The following PIK3C3 variants were observed in gnomAD, a reference collection of about 807,000 sequenced individuals.
PIK3C3 encodes phosphatidylinositol 3-kinase catalytic subunit type 3, also known as PI3-kinase type 3.
PIK3C3 carries 95 observed loss-of-function variants against 126.1 expected under a neutral mutation model. That is an observed-to-expected ratio of 0.75 (90% confidence interval 0.64 to 0.89). The LOEUF (loss-of-function observed/expected upper bound fraction) is 0.89. Ranked by LOEUF, PIK3C3 falls within the 40% of genes least tolerant of loss-of-function variation. The pLI, the probability that PIK3C3 is intolerant of heterozygous loss-of-function variation, is 0.00. For synonymous variants in PIK3C3, 374 were observed against 360.0 expected, an observed-to-expected ratio of 1.04 and a Z score of -0.44; for missense variants, 829 against 1,063.2, an observed-to-expected ratio of 0.78 and a Z score of 3.06.
intron 20 of PIK3C3, chr18:42,049,314 G>A: frequency 2.6e-6 from 1 of 386,636 alleles, no homozygotes; most frequent in Non-Finnish European, 4.6e-6. Flanking sequence ...AGTGACTTTT[G>A]TAATTTAACA....
At chr18:41,973,085 C>G (rs1353697838) in intron 4 of PIK3C3, among the ~76,000 whole-genome samples, 1 of 151,946 alleles carries the variant, frequency 6.6e-6, no homozygotes, top group African/African-American at 2.4e-5. Flanking sequence ...TTAATTGATT[C>G]TAAAAGTACT....
intron 24 of PIK3C3, among the ~76,000 whole-genome samples, chr18:42,080,140 G>A (rs1028270660): frequency 1.4e-4 from 22 of 152,032 alleles, no homozygotes; most frequent in Non-Finnish European, 3.1e-4. Flanking sequence ...AACATATGTG[G>A]TTTTATATGA....
intron 22 of PIK3C3, among the ~76,000 whole-genome samples, chr18:42,062,186 A>G (rs564735100): frequency 2.0e-5 from 3 of 151,958 alleles, no homozygotes; most frequent in South Asian, 4.2e-4. Context: ...TTATGTACCT[A>G]TGTAATCAAC....
At position 42,032,624 on chromosome 18, in the gene PIK3C3, TTTTATTTATTTATTTA is replaced by T. The variant is rs139558444; in HGVS notation, c.1708-1174_1708-1159del. Among the ~76,000 whole-genome samples the T allele has an allele frequency of 4.1e-3, 596 of 144,060 alleles. 5 individuals carry two copies. The highest frequency in any genetic ancestry group is 5.6e-3 in the Non-Finnish European group (369 of 66,178). 94.5% of individuals were successfully genotyped at this position (144,060 alleles called of 152,430 possible). A position where few individuals can be genotyped will look rare whatever the true frequency, so the allele number is the denominator to read the frequency against. On this transcript the variant is annotated intron_variant, in intron 15 of 24. Transcript: ENST00000262039. ...CCATTCTTATTTTACTTTCTGGTTA[TTTTATTTATTTATTTA>T]TTTATTTATTTATTTATTTATTTAT...
At chr18:41,975,447 G>A (rs1022367603) in intron 4 of PIK3C3, among the ~76,000 whole-genome samples, 1 of 152,000 alleles carries the variant, frequency 6.6e-6, no homozygotes, top group East Asian at 1.9e-4. Context: ...TGCACATGTC[G>A]AACGTTTCTA....
At chr18:41,993,438 A>G in intron 7 of PIK3C3, 97 bp downstream of exon 7, 1 of 729,076 alleles carries the variant, frequency 1.4e-6, no homozygotes, top group Non-Finnish European at 2.4e-6. Context: ...GTAATATATA[A>G]CTGCCTCCGT....
At chr18:41,958,764 T>C (rs1979926639) in intron 2 of PIK3C3, among the ~76,000 whole-genome samples, 1 of 151,976 alleles carries the variant, frequency 6.6e-6, no homozygotes, top group Non-Finnish European at 1.5e-5. Flanking sequence ...CACACACACA[T>C]AAAAAATATA....
Position 41,955,368 on chromosome 18 carries a change from A to G in PIK3C3, c.68+9A>G, listed in dbSNP as rs1979712456. 1 of 1,610,662 alleles carries G rather than the reference A, an allele frequency of 6.2e-7. No individual in the cohort carries two copies. Among genetic ancestry groups the G allele is most frequent in the Non-Finnish European group, 8.5e-7 (1 of 1,177,514 alleles). On this transcript the variant is annotated intron_variant, in intron 1 of 24. Coordinates refer to ENST00000262039, the MANE Select transcript of PIK3C3 (RefSeq NM_002647.4). Reference sequence around the variant, plus strand: ...AACGTCCAGCTTAAGATGTAAGAGAACACTCGGGACAGGGAGTGGGATTGC... The same window carrying G: ...AACGTCCAGCTTAAGATGTAAGAGAGCACTCGGGACAGGGAGTGGGATTGC...
chr18:42,073,335 A>G (rs1985854538), intron 24 of PIK3C3, among the ~76,000 whole-genome samples: 2 of 152,224 alleles, frequency 1.3e-5, no homozygotes, highest in Admixed American at 6.5e-5. Context: ...GCTTAAGGGA[A>G]TTCAACTGTG....
intron 7 of PIK3C3, among the ~76,000 whole-genome samples, chr18:41,995,409 C>A (rs1184395849): frequency 2.0e-5 from 3 of 151,992 alleles, no homozygotes; most frequent in Non-Finnish European, 4.4e-5. Context: ...TAATTTTGTC[C>A]ATGGGTAAAA....
chr18:42,040,551 G>A, intron 18 of PIK3C3, 126 bp from the exon 19 acceptor site: 2 of 655,542 alleles, frequency 3.1e-6, no homozygotes, highest in South Asian at 4.4e-5. Context: ...AGTGTACACT[G>A]ATCTTTTTAA....
intron 24 of PIK3C3, among the ~76,000 whole-genome samples, chr18:42,076,254 C>G (rs1441262944): frequency 1.3e-5 from 2 of 148,882 alleles, no homozygotes; most frequent in Non-Finnish European, 3.0e-5. Flanking sequence ...TACACATACA[C>G]ACATACATAC....
intron 12 of PIK3C3, among the ~76,000 whole-genome samples, chr18:42,020,164 T>A (rs1472832112): frequency 1.3e-5 from 2 of 152,162 alleles, no homozygotes; most frequent in Admixed American, 1.3e-4. Flanking sequence ...AAATCCATAC[T>A]CAATAATAAT....
chr18:42,037,104 C>T (rs940701133), intron 16 of PIK3C3, among the ~76,000 whole-genome samples: 6 of 152,052 alleles, frequency 3.9e-5, no homozygotes, highest in African/African-American at 9.7e-5. Context: ...TTCCAAAATC[C>T]GGGGAAGTCC....
chr18:41,958,108 A>G (rs1979885783), intron 2 of PIK3C3, among the ~76,000 whole-genome samples: 1 of 152,222 alleles, frequency 6.6e-6, no homozygotes, highest in Non-Finnish European at 1.5e-5. Context: ...AATATTGTCC[A>G]ACCTGATGTT....
chr18:42,072,657 T>C (rs569983), intron 24 of PIK3C3, among the ~76,000 whole-genome samples: 50,059 of 151,938 alleles, frequency 0.33, 9,035 homozygotes, highest in African/African-American at 0.47. Context: ...TCAGCCTCCC[T>C]GGTAGCTAGG....
intron 15 of PIK3C3, among the ~76,000 whole-genome samples, chr18:42,029,696 C>T (rs1166657592): frequency 6.6e-6 from 1 of 151,662 alleles, no homozygotes; most frequent in Non-Finnish European, 1.5e-5. Flanking sequence ...GTGCCCGCCA[C>T]CATGCCCAGC....
chr18:42,062,270 G>A (rs1311990500), intron 22 of PIK3C3, among the ~76,000 whole-genome samples: 4 of 150,432 alleles, frequency 2.7e-5, no homozygotes, highest in South Asian at 4.2e-4. Flanking sequence ...ATGTAACAGC[G>A]GATTGTACGC....
At chr18:42,026,419 A>C (rs1221936239) in intron 13 of PIK3C3, 1 of 152,132 alleles carries the variant, frequency 6.6e-6, no homozygotes, top group Non-Finnish European at 1.5e-5. Context: ...CGTTTTATAC[A>C]TCTGTGTGCA....
Sources: gnomAD v4.1 joint callset for allele counts (sites outside exome capture counted in the v4.1 genomes callset) on GRCh38, gnomAD v4.1.1 for gene constraint, MANE v1.5 for transcripts, NCBI Gene and HGNC (gene_info 2026-07-23, HGNC 2026-07-21) for gene names.